Variants in SKI observed in about 807,000 individuals in gnomAD.
The protein encoded by SKI is ski oncogene.
In SKI, 23 loss-of-function variants were observed where a neutral mutation model predicts 59.3. That is an observed-to-expected ratio of 0.39 (90% CI 0.28 to 0.55). The LOEUF is 0.55. Among genes scored for constraint, SKI ranks in the 20% least tolerant of loss-of-function variants. SKI has a pLI of 0.67. For synonymous variants in SKI, 673 were observed against 488.6 expected (o/e 1.38, Z -4.98); for missense variants, 1,017 against 1,038.9 (o/e 0.98, Z 0.29).
rs1482574118 is a variant in SKI at position 2,229,802 on chromosome 1, G to A, written c.969+67G>A. The A allele has an allele frequency of 2.6e-6, 4 of 1,548,110 alleles. No individual in the cohort carries two copies. The highest frequency in any genetic ancestry group is 3.5e-6 in the Non-Finnish European group (4 of 1,146,126). ...GGGTGGGGGCCCCTTCTGGACTACA[G>A]GCTCTGGTCTCCGAAGGCTGGGACC... On this transcript the variant is annotated intron_variant, in intron 1 of 6. Coordinates refer to ENST00000378536, the MANE Select transcript of SKI (RefSeq NM_003036.4). This position sits in a 1 kb window ranked among gnomAD's most constrained non-coding sequence, Gnocchi z 6.3.
intron 1 of SKI, among the ~76,000 whole-genome samples, chr1:2,257,985 G>A (rs557936000): frequency 3.3e-5 from 5 of 152,116 alleles, no homozygotes. Context: ...TGATCTGCCC[G>A]CCTCAGCCTC....
intron 1 of SKI, among the ~76,000 whole-genome samples, chr1:2,232,253 AGGGCTGCTGCTCCCAGCAGGCCTTC>A (rs921768066): frequency 2.6e-5 from 4 of 152,236 alleles, no homozygotes; most frequent in Non-Finnish European, 5.9e-5. Context: ...CTCTCTTTGC[AGGGCTGCTGCTCCCAGCAGGCCTTC>A]GGGCTCTGCG....
chr1:2,230,565 C>T lies in SKI; in HGVS notation c.969+830C>T, dbSNP rs1445531096. On this transcript the variant is annotated intron_variant, in intron 1 of 6. Transcript: ENST00000378536. ...CCCTCTGAAACGCAGAGGGGTGCGC[C>T]GGAGAGGGAGGCTGCTGGCCTGGCT... is the stretch of plus-strand genomic sequence containing the variant. Among the ~76,000 whole-genome samples the T allele has an allele frequency of 3.3e-5, 5 of 152,148 alleles. No homozygotes were observed. In the South Asian group the frequency reaches 1.0e-3, roughly 32 times the overall value.
intron 1 of SKI, among the ~76,000 whole-genome samples, chr1:2,277,555 G>A (rs1316193088): frequency 6.6e-6 from 1 of 152,214 alleles, no homozygotes; most frequent in East Asian, 1.9e-4. Flanking sequence ...CCCCAGCCAT[G>A]TGGAACTGTA....
chr1:2,231,105 C>T (rs1638628070), intron 1 of SKI, among the ~76,000 whole-genome samples: 2 of 152,116 alleles, frequency 1.3e-5, no homozygotes, highest in Admixed American at 6.5e-5. Flanking sequence ...GGCTGGGGCC[C>T]TTCGTGTCAC....
intron 1 of SKI, among the ~76,000 whole-genome samples, chr1:2,254,587 A>G (rs1372930041): frequency 1.3e-5 from 2 of 152,170 alleles, no homozygotes; most frequent in African/African-American, 2.4e-5. Context: ...TGACCGGTCT[A>G]CCTGTCTGGC....
At chr1:2,284,399 C>T (rs904671436) in intron 1 of SKI, among the ~76,000 whole-genome samples, 10 of 152,206 alleles carry the variant, frequency 6.6e-5, no homozygotes, top group Admixed American at 1.3e-4. Flanking sequence ...CGGAGCTGCC[C>T]TCAGACCTCT....
intron 1 of SKI, among the ~76,000 whole-genome samples, chr1:2,271,619 C>T (rs1359281033): frequency 6.6e-6 from 1 of 151,928 alleles, no homozygotes; most frequent in Non-Finnish European, 1.5e-5. Flanking sequence ...TGCTCTCGCC[C>T]CTCGGGAACC....
In SKI at chr1:2,228,933, G is replaced by GCGCGGC. The variant is rs1210262503; in HGVS notation, c.173_178dup (p.Ala58_Ala59dup). The GCGCGGC allele has an allele frequency of 1.4e-6, 2 of 1,383,986 alleles. No individual in the cohort carries two copies. Among genetic ancestry groups the GCGCGGC allele is most frequent in the Non-Finnish European group, 9.4e-7 (1 of 1,064,534 alleles). 85.7% of individuals were successfully genotyped at this position (1,383,986 alleles called of 1,614,324 possible). A position where few individuals can be genotyped will look rare whatever the true frequency, so the allele number is the denominator to read the frequency against. ...AAGAAGGAGAGCGCCAAGGAGGCGG[G>GCGCGGC]CGCGGCCGCGGTGCCGGCGCCGGTG... is the stretch of plus-strand genomic sequence containing the variant. On this transcript the variant is annotated inframe_insertion, in exon 1 of 7. Coordinates refer to ENST00000378536, the MANE Select transcript of SKI (RefSeq NM_003036.4).
intron 1 of SKI, among the ~76,000 whole-genome samples, chr1:2,257,903 T>C (rs1228055817): frequency 6.6e-6 from 1 of 152,012 alleles, no homozygotes; most frequent in Non-Finnish European, 1.5e-5. Flanking sequence ...CATGCCTGGC[T>C]AATTTTGTAG....
chr1:2,294,909 A>G (rs187080007), intron 1 of SKI, among the ~76,000 whole-genome samples: 1 of 152,302 alleles, frequency 6.6e-6, no homozygotes, highest in Non-Finnish European at 1.5e-5. Flanking sequence ...GGCCACGCCC[A>G]CCCAGTGGGG....
In SKI at chr1:2,248,978, G is replaced by C. The variant is rs187760947; in HGVS notation, c.969+19243G>C. 1.9e-3 allele frequency among the ~76,000 whole-genome samples: 297 copies of C among 152,360 alleles called. 1 individual carries two copies. Among genetic ancestry groups the C allele is most frequent in the African/African-American group, 6.9e-3 (288 of 41,596 alleles). On this transcript the variant is annotated intron_variant, in intron 1 of 6. Transcript: ENST00000378536. The stretch of plus-strand genomic sequence containing the variant: ...AGGAGCCGCGTCTGGGCGCTGGCAC[G>C]GGGACTGTGCCCACAGCCAGCCAGC...
At chr1:2,279,993 A>G (rs1639836346) in intron 1 of SKI, among the ~76,000 whole-genome samples, 1 of 151,842 alleles carries the variant, frequency 6.6e-6, no homozygotes, top group African/African-American at 2.4e-5. Context: ...CCAGCCCTCC[A>G]CTCCTCAGCC....
intron 1 of SKI, among the ~76,000 whole-genome samples, chr1:2,252,471 C>T (rs1178611373): frequency 6.6e-6 from 1 of 152,178 alleles, no homozygotes; most frequent in Non-Finnish European, 1.5e-5. Context: ...CCCTTTATGT[C>T]ATGGTGTTTT....
chr1:2,290,087 A>T (rs1266240270), intron 1 of SKI, among the ~76,000 whole-genome samples: 1 of 151,900 alleles, frequency 6.6e-6, no homozygotes, highest in East Asian at 1.9e-4. Flanking sequence ...TTGGTCAGGG[A>T]TGTTCCTAGA....
chr1:2,283,231 A>C (rs907303697), intron 1 of SKI, among the ~76,000 whole-genome samples: 1 of 152,190 alleles, frequency 6.6e-6, no homozygotes, highest in African/African-American at 2.4e-5. Flanking sequence ...GTCTGCTTAC[A>C]GTTGAACACT....
rs112805317 is a variant in SKI at position 2,260,887 on chromosome 1, G to T, written c.969+31152G>T. Reference sequence around the variant, plus strand: ...CTTCGGTTTCCTAGCTGGGAACTTTGTCCCTAACTCAAGGTCACAGAGATT... The same window carrying T: ...CTTCGGTTTCCTAGCTGGGAACTTTTTCCCTAACTCAAGGTCACAGAGATT... On this transcript the variant is annotated intron_variant, in intron 1 of 6. Transcript: ENST00000378536. Among the ~76,000 whole-genome samples the T allele has an allele frequency of 3.3e-3, 497 of 152,228 alleles. 2 individuals are homozygous for T. The highest frequency in any genetic ancestry group is 0.012 in the African/African-American group (479 of 41,520).
At chr1:2,254,667 C>T (rs543897286) in intron 1 of SKI, among the ~76,000 whole-genome samples, 154 of 152,226 alleles carry the variant, frequency 1.0e-3, no homozygotes, top group African/African-American at 3.3e-3. Flanking sequence ...AGGTAGGAGC[C>T]GAATTGGAGT....
intron 1 of SKI, among the ~76,000 whole-genome samples, chr1:2,262,084 G>C (rs1369559173): frequency 6.9e-5 from 9 of 130,436 alleles, no homozygotes; most frequent in South Asian, 3.0e-4. Flanking sequence ...TGGGAGTGGT[G>C]GGAGTGGACA....
Sources: gnomAD v4.1 joint callset for allele counts (sites outside exome capture counted in the v4.1 genomes callset) on GRCh38, gnomAD v4.1.1 for gene constraint, Gnocchi (gnomAD v3.1) non-coding constraint, MANE v1.5 for transcripts, NCBI Gene and HGNC (gene_info 2026-07-23, HGNC 2026-07-21) for gene names.